Variants in ATXN8OS observed in about 807,000 individuals in gnomAD.
ATXN8OS encodes ATXN8 opposite strand lncRNA.
chr13:70,154,515 T>C (rs1183139281), intron 4 of ATXN8OS, among the ~76,000 whole-genome samples: 4 of 152,148 alleles, frequency 2.6e-5, no homozygotes, highest in Non-Finnish European at 5.9e-5. Flanking sequence ...ACTGAAGACA[T>C]ATCTTTTGGT....
At chr13:70,127,762 A>T (rs1219954960) in intron 2 of ATXN8OS, among the ~76,000 whole-genome samples, 2 of 152,052 alleles carry the variant, frequency 1.3e-5, no homozygotes, top group African/African-American at 4.8e-5. Flanking sequence ...GTTATTAAAA[A>T]GCAATACTGT....
intron 4 of ATXN8OS, among the ~76,000 whole-genome samples, chr13:70,166,409 T>A (rs1027250593): frequency 6.6e-6 from 1 of 151,956 alleles, no homozygotes; most frequent in Non-Finnish European, 1.5e-5. Context: ...AAACAAGAAA[T>A]GGGGAAAGGA....
At chr13:70,124,213 C>T (rs1888397257) in intron 2 of ATXN8OS, among the ~76,000 whole-genome samples, 1 of 152,090 alleles carries the variant, frequency 6.6e-6, no homozygotes, top group South Asian at 2.1e-4. Context: ...CAGCTCTTTC[C>T]TTCCCAAAAC....
exon 5 of ATXN8OS, among the ~76,000 whole-genome samples, chr13:70,170,301 T>C (rs1889130140): frequency 6.6e-6 from 1 of 152,114 alleles, no homozygotes; most frequent in Admixed American, 6.6e-5. Flanking sequence ...CCTAAGTGTC[T>C]TCAAAACCTT....
chr13:70,164,418 T>G (rs2137506733), intron 4 of ATXN8OS, among the ~76,000 whole-genome samples: 1 of 151,854 alleles, frequency 6.6e-6, no homozygotes, highest in Admixed American at 6.6e-5. Flanking sequence ...AAATAAAAAT[T>G]TTGTATTTGC....
intron 4 of ATXN8OS, among the ~76,000 whole-genome samples, chr13:70,167,261 C>A (rs541662529): frequency 5.5e-4 from 83 of 152,180 alleles, no homozygotes; most frequent in African/African-American, 1.2e-3. Flanking sequence ...GACTTGGAAC[C>A]AAATGTCTAA....
chr13:70,147,897 A>T (rs551450186), intron 4 of ATXN8OS, among the ~76,000 whole-genome samples: 1 of 152,214 alleles, frequency 6.6e-6, no homozygotes, highest in Non-Finnish European at 1.5e-5. Context: ...CAGGCAAAAC[A>T]TAATACATGT....
At chr13:70,122,147 A>C (rs1475674601) in intron 2 of ATXN8OS, among the ~76,000 whole-genome samples, 1 of 151,992 alleles carries the variant, frequency 6.6e-6, no homozygotes, top group Admixed American at 6.6e-5. Context: ...AGAAAGAACA[A>C]TAGATTTTAA....
At chr13:70,147,134 G>A (rs1237241960) in intron 3 of ATXN8OS, among the ~76,000 whole-genome samples, 2 of 152,084 alleles carry the variant, frequency 1.3e-5, no homozygotes, top group Non-Finnish European at 2.9e-5. Context: ...AAAATACAAT[G>A]TATTGTCTGA....
exon 5 of ATXN8OS, among the ~76,000 whole-genome samples, chr13:70,170,620 TCCAGAA>T: frequency 6.6e-6 from 1 of 152,246 alleles, no homozygotes; most frequent in Admixed American, 6.6e-5. Context: ...TGTTTTAAAT[TCCAGAA>T]AGCTGCAGGT....
At chr13:70,113,706 T>G (rs1888233644) in intron 1 of ATXN8OS, among the ~76,000 whole-genome samples, 1 of 152,180 alleles carries the variant, frequency 6.6e-6, no homozygotes, top group Admixed American at 6.5e-5. Flanking sequence ...GAGACATGGG[T>G]TTTTGGAGAC....
At position 70,145,186 on chromosome 13, in the gene ATXN8OS, C is replaced by A. The variant is rs146542631; in HGVS notation, n.500-2169C>A. Among the ~76,000 whole-genome samples, 21 of 152,110 alleles carry A rather than the reference C, an allele frequency of 1.4e-4. 1 individual carries two copies. Among genetic ancestry groups the A allele is most frequent in the African/African-American group, 5.1e-4 (21 of 41,500 alleles). ...AGGTATGTGGCATTATTTCTGAGGG[C>A]TCTGTTCTGTTCCATTGATCTATAT... On this transcript the variant is annotated intron_variant and non_coding_transcript_variant, in intron 3 of 4. Coordinates refer to ENST00000678624, the Ensembl canonical transcript of ATXN8OS.
rs879291407 is a variant in ATXN8OS, at chr13:70,169,672, A to ATGTTAAAGC, written n.574-80_574-79insGTTAAAGCT. 6.3e-3 allele frequency among the ~76,000 whole-genome samples: 959 copies of ATGTTAAAGC among 152,170 alleles called. 11 individuals are homozygous for ATGTTAAAGC. Among genetic ancestry groups the ATGTTAAAGC allele is most frequent in the Non-Finnish European group, 0.012 (827 of 67,986 alleles). ...TAAAGCTCTCTTTGAGGGGCAACACATCCATCCCTCTCCTAATAAAGATAT... is the reference window on the plus strand; with the variant it reads ...TAAAGCTCTCTTTGAGGGGCAACACATGTTAAAGCTCCATCCCTCTCCTAATAAAGATAT... On this transcript the variant is annotated intron_variant and non_coding_transcript_variant, in intron 4 of 4. Coordinates refer to ENST00000678624, the Ensembl canonical transcript of ATXN8OS.
At chr13:70,169,426 A>G (rs1282415171) in intron 4 of ATXN8OS, among the ~76,000 whole-genome samples, 1 of 151,852 alleles carries the variant, frequency 6.6e-6, no homozygotes, top group Non-Finnish European at 1.5e-5. Context: ...CCTCCCTAAT[A>G]GCTTGGATTA....
chr13:70,124,705 A>G (rs1309350881), intron 2 of ATXN8OS, among the ~76,000 whole-genome samples: 3 of 151,832 alleles, frequency 2.0e-5, no homozygotes, highest in East Asian at 3.9e-4. Context: ...TTTTCCCCGG[A>G]AATCTGGTTT....
intron 2 of ATXN8OS, among the ~76,000 whole-genome samples, chr13:70,123,567 G>C (rs1215247327): frequency 6.6e-6 from 1 of 152,132 alleles, no homozygotes; most frequent in East Asian, 1.9e-4. Flanking sequence ...GCTAAACTTA[G>C]AAAAGATCTG....
rs191260738 is a variant in ATXN8OS, at chr13:70,156,480, T to C, written n.573+9052T>C. 2.2e-3 allele frequency among the ~76,000 whole-genome samples: 336 copies of C among 152,244 alleles called. 3 individuals are homozygous for C. The highest frequency in any genetic ancestry group is 4.0e-3 in the Non-Finnish European group (274 of 67,994). On this transcript the variant is annotated intron_variant and non_coding_transcript_variant, in intron 4 of 4. Coordinates refer to ENST00000678624, the Ensembl canonical transcript of ATXN8OS. ...ATTAAAACTATAAGAAATAATATTA[T>C]ATTTTATGATAATTTCTACATATAA...
At chr13:70,142,944 A>G (rs1299667520) in intron 3 of ATXN8OS, among the ~76,000 whole-genome samples, 1 of 152,008 alleles carries the variant, frequency 6.6e-6, no homozygotes, top group African/African-American at 2.4e-5. Context: ...GTGGTGGCAC[A>G]CGCCTGTAAT....
chr13:70,120,011 C>G (rs1593758103), intron 2 of ATXN8OS, among the ~76,000 whole-genome samples: 1 of 151,968 alleles, frequency 6.6e-6, no homozygotes, highest in East Asian at 1.9e-4. Flanking sequence ...TTTTGACAGA[C>G]AGTAGTAGTT....
Sources: gnomAD v4.1 joint callset for allele counts (sites outside exome capture counted in the v4.1 genomes callset) on GRCh38, gnomAD v4.1.1 for gene constraint, MANE v1.5 for transcripts, NCBI Gene and HGNC (gene_info 2026-07-23, HGNC 2026-07-21) for gene names.